Variants in PRKCQ observed in about 807,000 individuals in gnomAD.
PRKCQ encodes protein kinase C theta.
In PRKCQ, 41 loss-of-function variants were observed where a neutral mutation model predicts 91.2. That is an observed-to-expected ratio of 0.45 (90% CI 0.35 to 0.58). The LOEUF is 0.58. Ranked by LOEUF, PRKCQ falls within the 20% of genes least tolerant of loss-of-function variation. The pLI, the probability that PRKCQ is intolerant of heterozygous loss-of-function variation, is 0.00. For synonymous variants in PRKCQ, 307 were observed against 316.9 expected, an observed-to-expected ratio of 0.97 and a Z score of 0.33; for missense variants, 673 against 896.5, an observed-to-expected ratio of 0.75 and a Z score of 3.18.
At chr10:6,456,545 A>ATACT in intron 15 of PRKCQ, 129 bp downstream of exon 15, 2 of 1,243,850 alleles carry the variant, frequency 1.6e-6, no homozygotes, top group Non-Finnish European at 2.2e-6. Context: ...CGTTTATGAG[A>ATACT]TACTTAAGAA....
intron 1 of PRKCQ, among the ~76,000 whole-genome samples, chr10:6,537,977 A>G (rs1839647009): frequency 6.6e-6 from 1 of 152,182 alleles, no homozygotes; most frequent in African/African-American, 2.4e-5. Flanking sequence ...TGGCATGAAA[A>G]GAACATCTGG....
At chr10:6,489,280 G>C in intron 8 of PRKCQ, 2 of 464,576 alleles carry the variant, frequency 4.3e-6, no homozygotes, top group South Asian at 3.1e-5. Context: ...TAGAGGGATG[G>C]AGTTTTACTT....
At chr10:6,468,220 C>T (rs191354722) in intron 12 of PRKCQ, among the ~76,000 whole-genome samples, 1 of 152,272 alleles carries the variant, frequency 6.6e-6, no homozygotes, top group Admixed American at 6.5e-5. Context: ...AGGAATAGGA[C>T]ATTTTGTGAA....
chr10:6,434,643 T>A (rs1833607827), intron 16 of PRKCQ, among the ~76,000 whole-genome samples: 1 of 151,926 alleles, frequency 6.6e-6, no homozygotes, highest in Non-Finnish European at 1.5e-5. Context: ...AGGACGGAGG[T>A]TTACATTGAT....
intron 14 of PRKCQ, among the ~76,000 whole-genome samples, chr10:6,457,982 G>A (rs918567560): frequency 1.3e-5 from 2 of 150,998 alleles, no homozygotes; most frequent in Non-Finnish European, 2.9e-5. Flanking sequence ...GTCTTTCCCT[G>A]TCATCCAGGC....
chr10:6,414,341 A>T, the PRKCQ span, among the ~76,000 whole-genome samples: 1 of 152,240 alleles, frequency 6.6e-6, no homozygotes, highest in African/African-American at 2.4e-5. Flanking sequence ...ACCACATCAC[A>T]AAACAAAGCT....
the PRKCQ span, among the ~76,000 whole-genome samples, chr10:6,419,016 T>C: frequency 6.8e-6 from 1 of 146,070 alleles, no homozygotes; most frequent in Admixed American, 6.9e-5. Flanking sequence ...GCTATCTATG[T>C]ATCTATCATC....
chr10:6,448,361 G>C (rs560273564), intron 15 of PRKCQ, among the ~76,000 whole-genome samples: 2 of 152,246 alleles, frequency 1.3e-5, no homozygotes, highest in East Asian at 3.9e-4. Context: ...ACAGACCAAG[G>C]ATGTGCAATG....
At chr10:6,526,557 C>G (rs749932165) in intron 1 of PRKCQ, among the ~76,000 whole-genome samples, 2 of 152,038 alleles carry the variant, frequency 1.3e-5, no homozygotes, top group African/African-American at 2.4e-5. Flanking sequence ...AAGACCTGCA[C>G]GAGGAGAGGA....
At chr10:6,458,064 C>T (rs998419616) in intron 14 of PRKCQ, among the ~76,000 whole-genome samples, 5 of 152,166 alleles carry the variant, frequency 3.3e-5, no homozygotes, top group African/African-American at 9.7e-5. Flanking sequence ...CCACCTCAGA[C>T]TCTTGACCAC....
the PRKCQ span, among the ~76,000 whole-genome samples, chr10:6,396,834 C>G: frequency 6.6e-6 from 1 of 152,332 alleles, no homozygotes; most frequent in African/African-American, 2.4e-5. Flanking sequence ...ATATGGTAAC[C>G]ATGTGTTGAA....
intron 1 of PRKCQ, among the ~76,000 whole-genome samples, chr10:6,579,729 G>T (rs1222751142): frequency 6.9e-6 from 1 of 145,372 alleles, no homozygotes; most frequent in Non-Finnish European, 1.5e-5. Context: ...GGCTTGTTTA[G>T]AAGCCTGAGC....
At chr10:6,533,594 T>C (rs993801801) in intron 1 of PRKCQ, among the ~76,000 whole-genome samples, 1 of 152,198 alleles carries the variant, frequency 6.6e-6, no homozygotes, top group Non-Finnish European at 1.5e-5. Flanking sequence ...AAATGCCCTC[T>C]GTCTCTTCAT....
chr10:6,518,695 C>A (rs1003830236), intron 1 of PRKCQ, among the ~76,000 whole-genome samples: 2 of 152,030 alleles, frequency 1.3e-5, no homozygotes. Flanking sequence ...GTGGGGGGCA[C>A]CTGTAATCCC....
intron 8 of PRKCQ, 27 bp downstream of exon 8, chr10:6,491,656 G>A (rs1157400338): frequency 1.2e-6 from 2 of 1,613,290 alleles, no homozygotes; most frequent in Non-Finnish European, 1.7e-6. Flanking sequence ...TCCACGTCGG[G>A]CCATGCTCAT....
intron 16 of PRKCQ, among the ~76,000 whole-genome samples, chr10:6,434,005 G>T (rs2132235682): frequency 7.1e-6 from 1 of 141,528 alleles, no homozygotes; most frequent in Non-Finnish European, 1.5e-5. Context: ...CTGCACTCCA[G>T]CCTGGGCAAC....
At chr10:6,474,558 CCT>C (rs771126055) in intron 12 of PRKCQ, among the ~76,000 whole-genome samples, 23 of 152,160 alleles carry the variant, frequency 1.5e-4, no homozygotes, top group Non-Finnish European at 2.9e-4. Flanking sequence ...AGAAATAAAT[CCT>C]CTTATTTTTC....
rs144554161 is a variant in PRKCQ at position 6,510,001 on chromosome 10, C to G, written c.318+994G>C. Among the ~76,000 whole-genome samples the G allele has an allele frequency of 2.1e-3, 315 of 152,194 alleles. 4 individuals carry two copies. In the East Asian group the frequency reaches 0.032, roughly 15 times the overall value. ...ATCTTCTGGGAGGATTTCTTAAAAT[C>G]TGAGTTCTTGAAAATCTTTTGGGTG... On this transcript the variant is annotated intron_variant, in intron 3 of 17. Transcript: ENST00000263125.
upstream of PRKCQ, chr10:6,580,595 C>T (rs989148661): frequency 6.6e-6 from 1 of 152,320 alleles, no homozygotes. Context: ...AGCAGGAGCG[C>T]CCCGGCTCCG....
Sources: gnomAD v4.1 joint callset for allele counts (sites outside exome capture counted in the v4.1 genomes callset) on GRCh38, gnomAD v4.1.1 for gene constraint, MANE v1.5 for transcripts, NCBI Gene and HGNC (gene_info 2026-07-23, HGNC 2026-07-21) for gene names.